Variants in SLC25A13 observed in about 807,000 individuals in gnomAD.
The protein encoded by SLC25A13 is solute carrier family 25 member 13, also known as electrogenic aspartate/glutamate antiporter SLC25A13, mitochondrial.
A neutral mutation model predicts 85.5 loss-of-function variants in SLC25A13; 70 were observed. The observed-to-expected ratio is 0.82, with a 90% CI of 0.68 to 1.00. The LOEUF (loss-of-function observed/expected upper bound fraction) is 1.00, where lower values mean the gene tolerates loss of function less well. SLC25A13 is among the 50% of genes least tolerant of loss of function. SLC25A13 has a pLI of 0.00. For missense variants in SLC25A13, 765 were observed against 819.8 expected, an observed-to-expected ratio of 0.93 and a Z score of 0.82; for synonymous variants, 259 against 288.7, an observed-to-expected ratio of 0.90 and a Z score of 1.04.
chr7:96,192,456 G>A (rs933033748), intron 6 of SLC25A13, among the ~76,000 whole-genome samples: 5 of 152,058 alleles, frequency 3.3e-5, no homozygotes, highest in African/African-American at 4.8e-5. Context: ...GGTGCTCCAC[G>A]AGCAGGTCTT....
At chr7:96,242,634 C>A (rs1224603197) in intron 3 of SLC25A13, among the ~76,000 whole-genome samples, 2 of 152,174 alleles carry the variant, frequency 1.3e-5, no homozygotes, top group Non-Finnish European at 2.9e-5. Flanking sequence ...ACACTTTGGT[C>A]TCTACAATAC....
At chr7:96,277,434 C>T (rs149206233) in intron 2 of SLC25A13, 96 bp from the exon 3 acceptor site, 320 of 1,150,426 alleles carry the variant, frequency 2.8e-4, no homozygotes, top group Admixed American at 2.2e-3. Flanking sequence ...AATATCCAAA[C>T]GATAAAATAT....
At chr7:96,149,431 A>T (rs549575389) in intron 13 of SLC25A13, among the ~76,000 whole-genome samples, 2 of 152,216 alleles carry the variant, frequency 1.3e-5, no homozygotes, top group East Asian at 3.9e-4. Flanking sequence ...CTTACACTCA[A>T]CTCCCTGACT....
chr7:96,263,026 GAA>G (rs5885951), intron 3 of SLC25A13, among the ~76,000 whole-genome samples: 3,330 of 133,254 alleles, frequency 0.025, 92 homozygotes, highest in African/African-American at 0.076. Flanking sequence ...AACCATCTAG[GAA>G]AAAAAAAAAA....
chr7:96,156,277 G>A (rs1793260434), intron 13 of SLC25A13, among the ~76,000 whole-genome samples: 1 of 152,108 alleles, frequency 6.6e-6, no homozygotes. Context: ...CCCCAAATCT[G>A]AATCCTTGAG....
At chr7:96,170,212 A>AT (rs1002528003) in intron 12 of SLC25A13, 87 bp from the exon 13 acceptor site, 19 of 1,165,250 alleles carry the variant, frequency 1.6e-5, no homozygotes, top group Non-Finnish European at 1.8e-5. Context: ...AATATATGCT[A>AT]TTTTTTTCTA....
At chr7:96,281,979 A>G (rs1798697664) in intron 2 of SLC25A13, among the ~76,000 whole-genome samples, 1 of 152,146 alleles carries the variant, frequency 6.6e-6, no homozygotes, top group Non-Finnish European at 1.5e-5. Flanking sequence ...CTCTCCCTGC[A>G]GCAGTGAGCA....
chr7:96,133,560 T>C (rs1792133665), intron 14 of SLC25A13, among the ~76,000 whole-genome samples: 1 of 152,238 alleles, frequency 6.6e-6, no homozygotes, highest in African/African-American at 2.4e-5. Context: ...TACAGTATAA[T>C]GTTAATAACT....
intron 5 of SLC25A13, among the ~76,000 whole-genome samples, chr7:96,201,708 C>A (rs939957834): frequency 5.9e-5 from 9 of 152,254 alleles, no homozygotes; most frequent in African/African-American, 2.2e-4. Context: ...TTTATGAACA[C>A]ATGAAATCGC....
At chr7:96,201,886 G>A (rs75425856) in intron 5 of SLC25A13, among the ~76,000 whole-genome samples, 4 of 152,170 alleles carry the variant, frequency 2.6e-5, no homozygotes, top group African/African-American at 4.8e-5. Flanking sequence ...GTCGCAAACC[G>A]TAACTGATGG....
At chr7:96,288,763 C>T (rs531259386) in intron 2 of SLC25A13, among the ~76,000 whole-genome samples, 9 of 152,264 alleles carry the variant, frequency 5.9e-5, no homozygotes, top group East Asian at 5.8e-4. Context: ...GTAAACAAAG[C>T]GGCCTGGAAG....
chr7:96,208,386 A>C (rs1053364857), intron 5 of SLC25A13, among the ~76,000 whole-genome samples: 10 of 152,210 alleles, frequency 6.6e-5, no homozygotes, highest in Non-Finnish European at 1.2e-4. Flanking sequence ...TGCCAGGCTA[A>C]ACTGTAGTAA....
At chr7:96,277,686 A>G (rs1798512551) in intron 2 of SLC25A13, among the ~76,000 whole-genome samples, 2 of 152,176 alleles carry the variant, frequency 1.3e-5, no homozygotes, top group African/African-American at 4.8e-5. Context: ...TCCCTGCAAC[A>G]GACAGTTCTC....
At chr7:96,164,172 A>C (rs989281782) in intron 13 of SLC25A13, among the ~76,000 whole-genome samples, 2 of 152,278 alleles carry the variant, frequency 1.3e-5, no homozygotes, top group African/African-American at 4.8e-5. Context: ...GCATAACCTC[A>C]AAAACTGGGC....
intron 1 of SLC25A13, among the ~76,000 whole-genome samples, chr7:96,316,183 A>G (rs1044079389): frequency 1.6e-4 from 24 of 152,322 alleles, no homozygotes; most frequent in Admixed American, 3.9e-4. Flanking sequence ...AAGGTATATG[A>G]CAGTGGTGAC....
intron 4 of SLC25A13, among the ~76,000 whole-genome samples, chr7:96,220,854 C>G (rs540961289): frequency 2.6e-5 from 4 of 152,144 alleles, no homozygotes; most frequent in Non-Finnish European, 5.9e-5. Flanking sequence ...AGTCTCTCCA[C>G]TCCCTGACAG....
At chr7:96,225,050 T>C (rs1796282163) in intron 4 of SLC25A13, among the ~76,000 whole-genome samples, 3 of 152,200 alleles carry the variant, frequency 2.0e-5, no homozygotes, top group Admixed American at 2.0e-4. Context: ...TAATAAATTA[T>C]ACCAAAAATA....
chr7:96,251,237 C>G (rs1232711820), intron 3 of SLC25A13, among the ~76,000 whole-genome samples: 5 of 151,992 alleles, frequency 3.3e-5, no homozygotes, highest in African/African-American at 1.2e-4. Flanking sequence ...ACCAATGTCA[C>G]CAGAACAAAG....
intron 2 of SLC25A13, among the ~76,000 whole-genome samples, chr7:96,280,994 T>C (rs899149266): frequency 9.9e-5 from 15 of 152,192 alleles, no homozygotes; most frequent in Non-Finnish European, 1.6e-4. Context: ...GCATTATTTG[T>C]AGTATCCAAA....
Sources: allele counts gnomAD v4.1 joint callset (sites outside exome capture counted in the v4.1 genomes callset), GRCh38; gene constraint gnomAD v4.1.1; transcripts MANE v1.5; gene names NCBI Gene and HGNC (gene_info 2026-07-23, HGNC 2026-07-21).